The following HMX2 variants were observed in gnomAD, a reference collection of about 807,000 sequenced individuals.
HMX2 encodes H6 family homeobox 2, also known as homeobox protein HMX2.
HMX2 carries 15 observed loss-of-function variants against 21.2 expected under a neutral mutation model. The observed-to-expected ratio is 0.71, with a 90% CI of 0.47 to 1.09. The LOEUF (loss-of-function observed/expected upper bound fraction) is 1.09, where lower values mean the gene tolerates loss of function less well. HMX2 is among the 50% of genes least tolerant of loss of function. HMX2 has a pLI of 0.00. For missense variants in HMX2, 440 were observed against 381.5 expected (o/e 1.15, Z -1.28); for synonymous variants, 193 against 181.0 (o/e 1.07, Z -0.53).
chr10:123,150,259 T>C lies in HMX2; in HGVS notation c.*136T>C, dbSNP rs1388743279. On this transcript the variant is annotated 3_prime_UTR_variant, in exon 2 of 2. Transcript: ENST00000339992. The surrounding 1 kb of genome is among the most constrained non-coding windows in gnomAD (Gnocchi z 4.2). ...CACCATGTGTATTCATTAGCTCTTA[T>C]TTATGGTCTCTGCCCTACTTTTTGT... is the stretch of plus-strand genomic sequence containing the variant. 2 of 712,294 alleles carry C rather than the reference T, an allele frequency of 2.8e-6. No individual in the cohort carries two copies. The highest frequency in any genetic ancestry group is 4.4e-6 in the Non-Finnish European group (2 of 451,792). 44.1% of individuals were successfully genotyped at this position (712,294 alleles called of 1,614,324 possible).
intron 1 of HMX2, 124 bp downstream of exon 1, chr10:123,148,770 C>A (rs888691541): frequency 7.9e-7 from 1 of 1,266,284 alleles, no homozygotes; most frequent in Non-Finnish European, 1.1e-6. Context: ...GGGTTCGGGA[C>A]CGCGGGGAGA....
At position 123,149,982 on chromosome 10, in the gene HMX2, C is replaced by T. The variant is rs377729215; in HGVS notation, c.681C>T (p.Ser227=). The T allele has an allele frequency of 1.9e-5, 30 of 1,611,476 alleles. No individual in the cohort carries two copies. Among genetic ancestry groups the T allele is most frequent in the East Asian group, 1.8e-4 (8 of 44,796 alleles). ...MAHASAQTLV[S]MPLVFRDSSL... ...ACGCGTCGGCGCAGACTCTGGTGAG[C>T]ATGCCGCTGGTGTTCCGGGACAGTT... The change falls in exon 2 of 2, where the codon AGC becomes AGT. Residue 227 remains serine, a synonymous_variant. Coordinates refer to ENST00000339992, the MANE Select transcript of HMX2 (RefSeq NM_005519.2). The surrounding 1 kb of genome is among the most constrained non-coding windows in gnomAD (Gnocchi z 5.4).
rs1424108760 is a variant in HMX2 at position 123,148,171 on chromosome 10, C to A, written c.-208C>A. ...CGGGGCTGGGCGGGCGCACCCAGAG[C>A]CAGGCGGGCAGGAACCCCTGCGCAG... On this transcript the variant is annotated 5_prime_UTR_variant, in exon 1 of 2. Coordinates refer to ENST00000339992, the MANE Select transcript of HMX2 (RefSeq NM_005519.2). The A allele has an allele frequency of 3.5e-6, 2 of 573,536 alleles. No individual in the cohort carries two copies. Among genetic ancestry groups the A allele is most frequent in the African/African-American group, 2.0e-5 (1 of 50,100 alleles). The allele number at this position is 573,536 out of a possible 1,614,324, so 35.5% of individuals were successfully genotyped here. A position where few individuals can be genotyped will look rare whatever the true frequency, so the allele number is the denominator to read the frequency against.
Position 123,150,104 on chromosome 10 carries a change from A to C in HMX2, c.803A>C (p.Tyr268Ser). Reference protein sequence around the residue: ...NLSALPLYNLYNKLDY With the variant: ...NLSALPLYNLSNKLDY ...TCGGCCTTACCTCTCTACAACCTAT[A>C]CAACAAGCTCGACTACTGACCGGCC... The change falls in exon 2 of 2, where the codon TAC becomes TCC. Residue 268 changes from tyrosine (Y) to serine (S), a missense_variant. Coordinates refer to ENST00000339992, the MANE Select transcript of HMX2 (RefSeq NM_005519.2). This position sits in a 1 kb window ranked among gnomAD's most constrained non-coding sequence, Gnocchi z 4.2. The C allele has an allele frequency of 6.4e-7, 1 of 1,568,586 alleles. No individual in the cohort carries two copies. Among genetic ancestry groups the C allele is most frequent in the South Asian group, 1.1e-5 (1 of 88,148 alleles).
At position 123,149,489 on chromosome 10, in the gene HMX2, C is replaced by T; in HGVS notation, c.269-81C>T. On this transcript the variant is annotated intron_variant, in intron 1 of 1. Coordinates refer to ENST00000339992, the MANE Select transcript of HMX2 (RefSeq NM_005519.2). The surrounding 1 kb of genome is among the most constrained non-coding windows in gnomAD (Gnocchi z 5.4). ...ACCAAGGCTGCAGGCGCTTGCCAAC[C>T]GCTTGGTCCCAGGGAGAGCTGGCGG... 8.0e-7 allele frequency: 1 copy of T among 1,244,148 alleles called. No homozygotes were observed. The highest frequency in any genetic ancestry group is 1.1e-6 in the Non-Finnish European group (1 of 942,614). The allele number at this position is 1,244,148 out of a possible 1,614,324, so 77.1% of individuals were successfully genotyped here.
In HMX2 at chr10:123,148,482, G is replaced by A; in HGVS notation, c.104G>A (p.Arg35Gln). The change falls in exon 1 of 2, where the codon CGG becomes CAG. Residue 35 changes from arginine (R) to glutamine (Q), a missense_variant. By Grantham distance (43) the Arg-to-Gln change is conservative (BLOSUM62 1). Transcript: ENST00000339992. ...ILGGGPSEAPREPVGWPARKR... is the reference protein window; with the variant it reads ...ILGGGPSEAPQEPVGWPARKR... ...GGCGGGGGCCCCTCGGAGGCACCGC[G>A]GGAGCCCGTCGGCTGGCCAGCCAGG... 6.2e-7 allele frequency: 1 copy of A among 1,612,598 alleles called. No individual in the cohort carries two copies. Among genetic ancestry groups the A allele is most frequent in the South Asian group, 1.1e-5 (1 of 91,012 alleles).
rs1844222581 is a variant in HMX2 at position 123,148,377 on chromosome 10, G to A, written c.-2G>A. ...TTTCCTTCGATTTCTTATGAACCCA[G>A]GATGGGCAGCAAAGAAGATGCGGGC... On this transcript the variant is annotated 5_prime_UTR_variant, in exon 1 of 2. Coordinates refer to ENST00000339992, the MANE Select transcript of HMX2 (RefSeq NM_005519.2). 1.2e-6 allele frequency: 2 copies of A among 1,613,108 alleles called. No homozygotes were observed. Among genetic ancestry groups the A allele is most frequent in the Non-Finnish European group, 1.7e-6 (2 of 1,179,552 alleles).
chr10:123,149,984 T>G lies in HMX2; in HGVS notation c.683T>G (p.Met228Arg). 6.2e-7 allele frequency: 1 copy of G among 1,611,484 alleles called. No homozygotes were observed. The change falls in exon 2 of 2, where the codon ATG becomes AGG. Residue 228 changes from methionine (M) to arginine (R), a missense_variant. Transcript: ENST00000339992. The surrounding 1 kb of genome is among the most constrained non-coding windows in gnomAD (Gnocchi z 5.4). ...AHASAQTLVS[M>R]PLVFRDSSLL... ...GCGTCGGCGCAGACTCTGGTGAGCA[T>G]GCCGCTGGTGTTCCGGGACAGTTCG...
chr10:123,149,850 C>T lies in HMX2; in HGVS notation c.549C>T (p.Ala183=), dbSNP rs139076039. The part of the protein sequence containing the change: ...YLSSSERACL[A]SSLQLTETQV... ...GCAGCTCGGAGCGCGCCTGCCTCGC[C>T]TCCAGCCTGCAGCTCACGGAGACCC... The change falls in exon 2 of 2, where the codon GCC becomes GCT. Residue 183 remains alanine, a synonymous_variant. Transcript: ENST00000339992. This position sits in a 1 kb window ranked among gnomAD's most constrained non-coding sequence, Gnocchi z 5.4. The T allele has an allele frequency of 9.3e-6, 15 of 1,612,778 alleles. No individual in the cohort carries two copies. The highest frequency in any genetic ancestry group is 1.3e-5 in the Non-Finnish European group (15 of 1,179,918).
rs1251642929 is a variant in HMX2, at chr10:123,148,622, C to A, written c.244C>A (p.Pro82Thr). ...TAAGGAGCAGGGCCCCAAGCACCAT[C>A]CCCCCATCCCTTTTCCTTGCCTGGG... ...GPKEQGPKHHPPIPFPCLGTP... is the reference protein window; with the variant it reads ...GPKEQGPKHHTPIPFPCLGTP... Residue 82 changes from proline (P) to threonine (T), a missense_variant, in exon 1 of 2, where the codon CCC becomes ACC. Physicochemically the swap from Pro to Thr is conservative, Grantham distance 38. Coordinates refer to ENST00000339992, the MANE Select transcript of HMX2 (RefSeq NM_005519.2). The A allele has an allele frequency of 6.2e-7, 1 of 1,610,680 alleles. No individual in the cohort carries two copies. Among genetic ancestry groups the A allele is most frequent in the Non-Finnish European group, 8.5e-7 (1 of 1,178,726 alleles).
Position 123,148,762 on chromosome 10 carries a change from G to A in HMX2, c.268+116G>A, listed in dbSNP as rs1844231949. 8 of 1,331,110 alleles carry A rather than the reference G, an allele frequency of 6.0e-6. No homozygotes were observed. The South Asian group carries it at 9.0e-5, about 15-fold the overall frequency. 82.5% of individuals were successfully genotyped at this position (1,331,110 alleles called of 1,614,324 possible). A position where few individuals can be genotyped will look rare whatever the true frequency, so the allele number is the denominator to read the frequency against. On this transcript the variant is annotated intron_variant, in intron 1 of 1. Transcript: ENST00000339992. Reference sequence around the variant, plus strand: ...CTGGCCAGAGCTGCGGCAGCCGGGGGTTCGGGACCGCGGGGAGAGGGGCGC... The same window carrying A: ...CTGGCCAGAGCTGCGGCAGCCGGGGATTCGGGACCGCGGGGAGAGGGGCGC...
At position 123,148,665 on chromosome 10, in the gene HMX2, C is replaced by T; in HGVS notation, c.268+19C>T. The T allele has an allele frequency of 6.3e-7, 1 of 1,591,518 alleles. No homozygotes were observed. ...TGCCTGGGTAAGGATCGCACGTCGC[C>T]AGTGTGGCAGCGAGCGAGCGCGAGG... On this transcript the variant is annotated intron_variant, in intron 1 of 1. Coordinates refer to ENST00000339992, the MANE Select transcript of HMX2 (RefSeq NM_005519.2).
rs974840268 is a variant in HMX2 at position 123,148,272 on chromosome 10, T to C, written c.-107T>C. 1.1e-5 allele frequency: 7 copies of C among 644,832 alleles called. No homozygotes were observed. The highest frequency in any genetic ancestry group is 2.8e-5 in the Admixed American group (1 of 35,620). 39.9% of individuals were successfully genotyped at this position (644,832 alleles called of 1,614,324 possible). A position where few individuals can be genotyped will look rare whatever the true frequency, so the allele number is the denominator to read the frequency against. On this transcript the variant is annotated 5_prime_UTR_variant, in exon 1 of 2. Transcript: ENST00000339992. Reference sequence around the variant, plus strand: ...CGGCGCCCCCTCCCCCTAGATTTCCTCCCCGCCCCTCCCCACTGCCTGCCT... The same window carrying C: ...CGGCGCCCCCTCCCCCTAGATTTCCCCCCCGCCCCTCCCCACTGCCTGCCT...
rs760065113 is a variant in HMX2, at chr10:123,149,617, A to G, written c.316A>G (p.Thr106Ala). The stretch of plus-strand genomic sequence containing the variant: ...CTCGGGCCCGGGCGGCTTGGAGCGC[A>G]CGCCTTTCCTCTCTCCTTCGCACTC... ...GGSGPGGLER[T>A]PFLSPSHSDF... The change falls in exon 2 of 2, where the codon ACG (threonine) becomes GCG (alanine). Residue 106 changes from threonine to alanine, a missense_variant. Transcript: ENST00000339992. This position sits in a 1 kb window ranked among gnomAD's most constrained non-coding sequence, Gnocchi z 5.4. 1.8e-5 allele frequency: 27 copies of G among 1,482,552 alleles called. No homozygotes were observed. Among genetic ancestry groups the G allele is most frequent in the Non-Finnish European group, 2.3e-5 (26 of 1,121,668 alleles). 91.8% of individuals were successfully genotyped at this position (1,482,552 alleles called of 1,614,324 possible). A position where few individuals can be genotyped will look rare whatever the true frequency, so the allele number is the denominator to read the frequency against.
rs747152635 is a variant in HMX2, at chr10:123,148,663, G to C, written c.268+17G>C. ...CTTGCCTGGGTAAGGATCGCACGTCGCCAGTGTGGCAGCGAGCGAGCGCGA... is the reference window on the plus strand; with the variant it reads ...CTTGCCTGGGTAAGGATCGCACGTCCCCAGTGTGGCAGCGAGCGAGCGCGA... On this transcript the variant is annotated intron_variant, in intron 1 of 1. Transcript: ENST00000339992. 5 of 1,599,628 alleles carry C rather than the reference G, an allele frequency of 3.1e-6. No homozygotes were observed. The highest frequency in any genetic ancestry group is 8.5e-7 in the Non-Finnish European group (1 of 1,175,296).
rs1398901373 is a variant in HMX2, at chr10:123,150,489, A to G, written c.*366A>G. 1.5e-5 allele frequency: 3 copies of G among 196,308 alleles called. No individual in the cohort carries two copies. The highest frequency in any genetic ancestry group is 3.1e-5 in the Non-Finnish European group (3 of 96,470). The allele number at this position is 196,308 out of a possible 1,614,324, so 12.2% of individuals were successfully genotyped here. On this transcript the variant is annotated 3_prime_UTR_variant, in exon 2 of 2. Transcript: ENST00000339992. The surrounding 1 kb of genome is among the most constrained non-coding windows in gnomAD (Gnocchi z 4.2). ...AAAACCAGGTACACTCCTCCCCCAT[A>G]TATACACCTGTATATATGTACATGC...
intron 1 of HMX2, 119 bp downstream of exon 1, chr10:123,148,765 C>A: frequency 7.7e-7 from 1 of 1,294,474 alleles, no homozygotes; most frequent in Non-Finnish European, 1.0e-6. Context: ...GCCGGGGGTT[C>A]GGGACCGCGG....
rs1844219300 is a variant in HMX2 at position 123,148,202 on chromosome 10, C to A, written c.-177C>A. ...GGGCAGGAACCCCTGCGCAGCCATC[C>A]GGTGCCTGCATGTCCCTGGCGCGGA... On this transcript the variant is annotated 5_prime_UTR_variant, in exon 1 of 2. Transcript: ENST00000339992. The A allele has an allele frequency of 3.0e-6, 2 of 659,102 alleles. No homozygotes were observed. Among genetic ancestry groups the A allele is most frequent in the East Asian group, 3.0e-5 (1 of 33,470 alleles). The allele number at this position is 659,102 out of a possible 1,614,324, so 40.8% of individuals were successfully genotyped here. A position where few individuals can be genotyped will look rare whatever the true frequency, so the allele number is the denominator to read the frequency against.
At chr10:123,148,811 G>A (rs1054446847) in intron 1 of HMX2, among the ~76,000 whole-genome samples, 165 bp downstream of exon 1, 3 of 152,218 alleles carry the variant, frequency 2.0e-5, no homozygotes, top group African/African-American at 7.2e-5. Context: ...TCCTCCGCCC[G>A]GTGGGCCCCT....
Sources: gnomAD v4.1 joint callset for allele counts (sites outside exome capture counted in the v4.1 genomes callset) on GRCh38, gnomAD v4.1.1 for gene constraint, Gnocchi (gnomAD v3.1) non-coding constraint, MANE v1.5 for transcripts, NCBI Gene and HGNC (gene_info 2026-07-23, HGNC 2026-07-21) for gene names.